Variants in ANKRD13D observed in about 807,000 individuals in gnomAD.
The protein encoded by ANKRD13D is ankyrin repeat domain-containing protein 13D.
In ANKRD13D, 24 loss-of-function variants were observed where a neutral mutation model predicts 68.8. The ratio of observed to expected loss-of-function variants is 0.35; its 90% CI spans 0.25 to 0.49. ANKRD13D has a LOEUF of 0.49. Among genes scored for constraint, ANKRD13D ranks in the 20% least tolerant of loss-of-function variants. The probability of loss-of-function intolerance (pLI) is 0.99; values close to 1 mark genes in which losing one functional copy is unlikely to be tolerated. For synonymous variants in ANKRD13D, 331 were observed against 336.1 expected, an observed-to-expected ratio of 0.98 and a Z score of 0.16; for missense variants, 735 against 832.1, an observed-to-expected ratio of 0.88 and a Z score of 1.44.
rs777038046 is a variant in ANKRD13D at position 67,295,921 on chromosome 11, A to AC, written c.732-3137_732-3136insC. Among the ~76,000 whole-genome samples, 4 of 152,232 alleles carry AC rather than the reference A, an allele frequency of 2.6e-5. No homozygotes were observed. In the East Asian group the frequency reaches 5.8e-4, roughly 22 times the overall value. On this transcript the variant is annotated intron_variant, in intron 6 of 14. Coordinates refer to ENST00000511455, the MANE Select transcript of ANKRD13D (RefSeq NM_207354.3). The stretch of plus-strand genomic sequence containing the variant: ...TAATTCCTTTCCATTCCTCATTGTT[A>AC]GAGTGTTTTTATCATGAAAGGATGT...
intron 6 of ANKRD13D, among the ~76,000 whole-genome samples, chr11:67,296,935 C>CT (rs1162150844): frequency 6.6e-6 from 1 of 152,058 alleles, no homozygotes; most frequent in African/African-American, 2.4e-5. Flanking sequence ...TCTTCTCTCT[C>CT]TTTTTTTGCC....
At chr11:67,291,390 C>T in intron 3 of ANKRD13D, 86 bp from the exon 4 acceptor site, 1 of 902,930 alleles carries the variant, frequency 1.1e-6, no homozygotes, top group Non-Finnish European at 1.7e-6. Flanking sequence ...TGATGAAGGG[C>T]TGGGCTGGCT....
rs141097126 is a variant in ANKRD13D, at chr11:67,298,813, C to T, written c.732-245C>T. 3.3e-4 allele frequency: 179 copies of T among 538,988 alleles called. 1 individual carries two copies. The East Asian group carries it at 5.3e-3, about 16-fold the overall frequency. 33.4% of individuals were successfully genotyped at this position (538,988 alleles called of 1,614,324 possible). ...AAGACAAGGATGTTTTTAAACCCAGCCCCGACACTATCATACCTCACAAGA... is the reference window on the plus strand; with the variant it reads ...AAGACAAGGATGTTTTTAAACCCAGTCCCGACACTATCATACCTCACAAGA... On this transcript the variant is annotated intron_variant, in intron 6 of 14. Transcript: ENST00000511455.
At position 67,291,636 on chromosome 11, in the gene ANKRD13D, T is replaced by C; in HGVS notation, c.431T>C (p.Val144Ala). 1 of 1,614,040 alleles carries C rather than the reference T, an allele frequency of 6.2e-7. No homozygotes were observed. Among genetic ancestry groups the C allele is most frequent in the Non-Finnish European group, 8.5e-7 (1 of 1,180,032 alleles). The change falls in exon 5 of 15, where the codon GTG becomes GCG. Residue 144 changes from valine to alanine, a missense_variant. By Grantham distance (64) the Val-to-Ala change is moderately conservative. Transcript: ENST00000511455. The stretch of plus-strand genomic sequence containing the variant: ...GTGTCTAAGATGTGCCCAAGCGATG[T>C]GTACCGCGTGTGGAAGCGGGGTGAG... ...PLVSKMCPSDVYRVWKRGESL... is the reference protein window; with the variant it reads ...PLVSKMCPSDAYRVWKRGESL...
chr11:67,300,080 C>G lies in ANKRD13D; in HGVS notation c.1030C>G (p.Arg344Gly). Residue 344 changes from arginine to glycine, a missense_variant, in exon 10 of 15, where the codon CGG becomes GGG. Physicochemically the swap from Arg to Gly is moderately radical, Grantham distance 125 (BLOSUM62 -2). Coordinates refer to ENST00000511455, the MANE Select transcript of ANKRD13D (RefSeq NM_207354.3). This position sits in a 1 kb window ranked among gnomAD's most constrained non-coding sequence, Gnocchi z 4.3. ...YFDPNFSLES[R>G]NIGRPIEMSS... is the part of the protein sequence containing the mutation. ...CGACCCCAACTTCAGCCTGGAGTCA[C>G]GGAACATTGGCCGCCCCATCGAGAT... 6.2e-7 allele frequency: 1 copy of G among 1,614,096 alleles called. No individual in the cohort carries two copies. Among genetic ancestry groups the G allele is most frequent in the Non-Finnish European group, 8.5e-7 (1 of 1,179,974 alleles).
chr11:67,299,978 C>T lies in ANKRD13D; in HGVS notation c.943-15C>T, dbSNP rs1484983254. On this transcript the variant is annotated splice_polypyrimidine_tract_variant and intron_variant, in intron 9 of 14. Coordinates refer to ENST00000511455, the MANE Select transcript of ANKRD13D (RefSeq NM_207354.3). The surrounding 1 kb of genome is among the most constrained non-coding windows in gnomAD (Gnocchi z 6.2). ...TGTCACCTTGATGGCTGAGTCCGCCCTGGGACCCACGCAGGCCCCCGTGCA... is the reference window on the plus strand; with the variant it reads ...TGTCACCTTGATGGCTGAGTCCGCCTTGGGACCCACGCAGGCCCCCGTGCA... 22 of 1,609,218 alleles carry T rather than the reference C, an allele frequency of 1.4e-5. No individual in the cohort carries two copies. The highest frequency in any genetic ancestry group is 1.9e-5 in the Non-Finnish European group (22 of 1,177,090).
At position 67,301,252 on chromosome 11, in the gene ANKRD13D, C is replaced by A; in HGVS notation, c.1232-30C>A. On this transcript the variant is annotated intron_variant, in intron 11 of 14. Transcript: ENST00000511455. This position sits in a 1 kb window ranked among gnomAD's most constrained non-coding sequence, Gnocchi z 4.5. ...GCCGGAGGCACAGGTGGCTCTCCGC[C>A]AGGGCTCAGGCGTGGCTGTCTTCTC... 6.3e-7 allele frequency: 1 copy of A among 1,599,810 alleles called. No individual in the cohort carries two copies. Among genetic ancestry groups the A allele is most frequent in the Non-Finnish European group, 8.5e-7 (1 of 1,171,802 alleles).
In ANKRD13D at chr11:67,299,965, G is replaced by C. The variant is rs760243109; in HGVS notation, c.943-28G>C. 4 of 1,598,892 alleles carry C rather than the reference G, an allele frequency of 2.5e-6. No homozygotes were observed. In the South Asian group the frequency reaches 3.3e-5, roughly 13 times the overall value. ...GGAGGGCACCCTCTGTCACCTTGAT[G>C]GCTGAGTCCGCCCTGGGACCCACGC... On this transcript the variant is annotated intron_variant, in intron 9 of 14. Transcript: ENST00000511455. This position sits in a 1 kb window ranked among gnomAD's most constrained non-coding sequence, Gnocchi z 6.2.
At position 67,302,440 on chromosome 11, in the gene ANKRD13D, G is replaced by A; in HGVS notation, c.*108G>A. On this transcript the variant is annotated 3_prime_UTR_variant, in exon 15 of 15. Transcript: ENST00000511455. ...TTGGGGCCTGGAGCCCCAGGAATGA[G>A]CAGGCAGGGGAGACTGAGATGGAAA... 4.3e-6 allele frequency: 6 copies of A among 1,389,852 alleles called. No homozygotes were observed. Among genetic ancestry groups the A allele is most frequent in the Non-Finnish European group, 5.7e-6 (6 of 1,052,674 alleles). The allele number at this position is 1,389,852 out of a possible 1,614,324, so 86.1% of individuals were successfully genotyped here.
chr11:67,290,250 C>T, intron 2 of ANKRD13D, 37 bp downstream of exon 2: 1 of 1,544,186 alleles, frequency 6.5e-7, no homozygotes, highest in South Asian at 1.2e-5. Flanking sequence ...CTGAGGCTGG[C>T]AGGCGGGGGG....
Position 67,291,633 on chromosome 11 carries a change from A to T in ANKRD13D, c.428A>T (p.Asp143Val), listed in dbSNP as rs1860553065. The T allele has an allele frequency of 6.2e-7, 1 of 1,613,878 alleles. No homozygotes were observed. The highest frequency in any genetic ancestry group is 8.5e-7 in the Non-Finnish European group (1 of 1,180,032). ...VPLVSKMCPSDVYRVWKRGES... is the reference protein window; with the variant it reads ...VPLVSKMCPSVVYRVWKRGES... ...CTTGTGTCTAAGATGTGCCCAAGCG[A>T]TGTGTACCGCGTGTGGAAGCGGGGT... The change falls in exon 5 of 15, where the codon GAT becomes GTT. Residue 143 changes from aspartate (D) to valine (V), a missense_variant. By Grantham distance (152) the Asp-to-Val change is radical. Coordinates refer to ENST00000511455, the MANE Select transcript of ANKRD13D (RefSeq NM_207354.3).
At position 67,292,055 on chromosome 11, in the gene ANKRD13D, G is replaced by A; in HGVS notation, c.606G>A (p.Gly202=). ...AGGTGGTGCATGTGGAGACACTGGG[G>A]CTCACTCTGCAGGAGCCCGAAACAC... The part of the protein sequence containing the change: ...DRQVVHVETL[G]LTLQEPETLL... The change falls in exon 6 of 15, where the codon GGG becomes GGA. Residue 202 remains glycine (G), a synonymous_variant. Transcript: ENST00000511455. 2 of 1,607,348 alleles carry A rather than the reference G, an allele frequency of 1.2e-6. No individual in the cohort carries two copies. Among genetic ancestry groups the A allele is most frequent in the Non-Finnish European group, 1.7e-6 (2 of 1,175,296 alleles).
intron 1 of ANKRD13D, 31 bp downstream of exon 1, chr11:67,289,581 C>G: frequency 6.6e-7 from 1 of 1,515,762 alleles, no homozygotes; most frequent in Non-Finnish European, 8.8e-7. Flanking sequence ...CCGGCCCTTC[C>G]CCCGGGTCCC....
intron 6 of ANKRD13D, among the ~76,000 whole-genome samples, chr11:67,294,143 A>G (rs1047246394): frequency 1.2e-4 from 18 of 152,234 alleles, no homozygotes; most frequent in Admixed American, 6.5e-4. Flanking sequence ...TTGCTTTGCA[A>G]TAAGTTTTGA....
intron 6 of ANKRD13D, 96 bp from the exon 7 acceptor site, chr11:67,298,962 C>T (rs1860866628): frequency 2.2e-6 from 3 of 1,371,340 alleles, no homozygotes; most frequent in Non-Finnish European, 2.1e-6. Flanking sequence ...GAGTTGGGCA[C>T]CCCGGGCAGG....
rs540987405 is a variant in ANKRD13D at position 67,300,785 on chromosome 11, G to A, written c.1074-205G>A. On this transcript the variant is annotated intron_variant, in intron 10 of 14. Transcript: ENST00000511455. The surrounding 1 kb of genome is among the most constrained non-coding windows in gnomAD (Gnocchi z 4.3). ...TGGTACGAAATCCTCAGGAGCCCCA[G>A]CCTGGGCCCAGGGAGGAGGGCAGCT... 4.8e-6 allele frequency: 3 copies of A among 621,452 alleles called. No homozygotes were observed. Among genetic ancestry groups the A allele is most frequent in the South Asian group, 4.1e-5 (2 of 49,348 alleles). The allele number at this position is 621,452 out of a possible 1,614,324, so 38.5% of individuals were successfully genotyped here.
chr11:67,289,634 C>T (rs1481365632), intron 1 of ANKRD13D, 84 bp downstream of exon 1: 1 of 811,564 alleles, frequency 1.2e-6, no homozygotes, highest in Admixed American at 3.6e-5. Context: ...CCCCCCCCCC[C>T]CCCGCCCGCT....
Position 67,301,818 on chromosome 11 carries a change from G to A in ANKRD13D, c.1599G>A (p.Leu533=). 1.3e-6 allele frequency: 2 copies of A among 1,594,178 alleles called. No individual in the cohort carries two copies. The change falls in exon 14 of 15, where the codon CTG becomes CTA. Residue 533 remains leucine, a synonymous_variant. Coordinates refer to ENST00000511455, the MANE Select transcript of ANKRD13D (RefSeq NM_207354.3). This position sits in a 1 kb window ranked among gnomAD's most constrained non-coding sequence, Gnocchi z 4.5. ...CGGTTTATGAGGAACAGCTTCAGCT[G>A]GAGCGGTGAGCCCCTCATGGGGCTG... ...QATVYEEQLQ[L]ERALQESLQL... is the part of the protein sequence containing the mutation.
At chr11:67,292,292 C>T (rs945164089) in intron 6 of ANKRD13D, 112 bp downstream of exon 6, 33 of 1,256,830 alleles carry the variant, frequency 2.6e-5, no homozygotes, top group Middle Eastern at 2.1e-4. Context: ...TGGGCTCACT[C>T]ACAAGGGGCT....
Sources: gnomAD v4.1 joint callset for allele counts (sites outside exome capture counted in the v4.1 genomes callset) on GRCh38, gnomAD v4.1.1 for gene constraint, Gnocchi (gnomAD v3.1) non-coding constraint, MANE v1.5 for transcripts, NCBI Gene and HGNC (gene_info 2026-07-23, HGNC 2026-07-21) for gene names.